The following GIGYF2 variants were observed in gnomAD, a reference collection of about 807,000 sequenced individuals.
GIGYF2 encodes GRB10 interacting GYF protein 2, also known as GRB10-interacting GYF protein 2.
GIGYF2 carries 25 observed loss-of-function variants against 208.1 expected under a neutral mutation model. The ratio of observed to expected loss-of-function variants is 0.12; its 90% CI spans 0.09 to 0.17. The LOEUF is 0.17. Ranked by LOEUF, GIGYF2 falls within the 10% of genes least tolerant of loss-of-function variation. GIGYF2 has a pLI of 1.00. For synonymous variants in GIGYF2, 534 were observed against 543.8 expected, an observed-to-expected ratio of 0.98 and a Z score of 0.25; for missense variants, 1,302 against 1,579.4, an observed-to-expected ratio of 0.82 and a Z score of 2.98.
intron 18 of GIGYF2, among the ~76,000 whole-genome samples, chr2:232,814,043 A>G (rs1700827124): frequency 6.6e-6 from 1 of 151,082 alleles, no homozygotes; most frequent in South Asian, 2.1e-4. Context: ...ACCCACCACC[A>G]CGCTTGGCTA....
intron 8 of GIGYF2, among the ~76,000 whole-genome samples, chr2:232,778,968 G>A (rs1168656375): frequency 6.6e-6 from 1 of 152,030 alleles, no homozygotes; most frequent in African/African-American, 2.4e-5. Flanking sequence ...TTGAGATAAG[G>A]GGGCATCAGA....
chr2:232,819,336 G>A lies in GIGYF2; in HGVS notation c.2371-491G>A, dbSNP rs967425300. On this transcript the variant is annotated intron_variant, in intron 20 of 28. Transcript: ENST00000373563. The stretch of plus-strand genomic sequence containing the variant: ...TTTCTGTGTAATACTTAATAGTATT[G>A]GTGGGACTTTTGATCTTCAGAACAC... Among the ~76,000 whole-genome samples, 6 of 152,052 alleles carry A rather than the reference G, an allele frequency of 3.9e-5. No homozygotes were observed. The South Asian group carries it at 8.3e-4, about 21-fold the overall frequency.
At chr2:232,714,836 T>C (rs79921412) in intron 2 of GIGYF2, among the ~76,000 whole-genome samples, 12,526 of 152,216 alleles carry the variant, frequency 0.082, 657 homozygotes, top group Non-Finnish European at 0.12. Context: ...GGGGTACATG[T>C]GCAGATTTGT....
intron 23 of GIGYF2, chr2:232,843,133 C>CTGTGTGTGTGTG (rs201402877): frequency 2.1e-5 from 3 of 145,254 alleles, no homozygotes; most frequent in East Asian, 2.0e-4. Context: ...TGTGTTTATG[C>CTGTGTGTGTGTG]TGTGTGTGTG....
chr2:232,841,571 T>A (rs890463757), intron 23 of GIGYF2, among the ~76,000 whole-genome samples: 1 of 151,708 alleles, frequency 6.6e-6, no homozygotes, highest in Non-Finnish European at 1.5e-5. Flanking sequence ...CGCCTCGGCC[T>A]CCCAAAGTGC....
At chr2:232,722,461 A>T (rs894400224) in intron 2 of GIGYF2, 4 of 152,176 alleles carry the variant, frequency 2.6e-5, no homozygotes, top group Non-Finnish European at 5.9e-5. Context: ...CTCCCTTGAC[A>T]CGTGGGGTTT....
intron 8 of GIGYF2, among the ~76,000 whole-genome samples, chr2:232,779,301 A>G (rs283487): frequency 0.72 from 109,688 of 152,144 alleles, 40,271 homozygotes; most frequent in East Asian, 0.88. Context: ...ATTAAATTAA[A>G]CAAGGTACCA....
intron 2 of GIGYF2, chr2:232,734,527 G>C (rs1007870927): frequency 6.6e-6 from 1 of 152,234 alleles, no homozygotes; most frequent in Non-Finnish European, 1.5e-5. Context: ...CCTGATCCAA[G>C]ATAATTTTTA....
At chr2:232,795,007 C>A in intron 13 of GIGYF2, 63 bp downstream of exon 13, 1 of 1,171,994 alleles carries the variant, frequency 8.5e-7, no homozygotes, top group Non-Finnish European at 1.3e-6. Flanking sequence ...GCAGGCATTG[C>A]ATGAATATTC....
intron 2 of GIGYF2, among the ~76,000 whole-genome samples, chr2:232,714,903 A>AT (rs1476292671): frequency 4.0e-5 from 6 of 151,114 alleles, no homozygotes; most frequent in African/African-American, 1.5e-4. Context: ...CCCATTAGTT[A>AT]TTTTTCCCGA....
chr2:232,836,368 A>C (rs1156231077), intron 22 of GIGYF2, among the ~76,000 whole-genome samples: 1 of 66,104 alleles, frequency 1.5e-5, no homozygotes, highest in Non-Finnish European at 2.7e-5. Context: ...ATAAATATAA[A>C]TATATATAAA....
chr2:232,848,773 T>C (rs1485630579), intron 27 of GIGYF2, among the ~76,000 whole-genome samples: 1 of 152,232 alleles, frequency 6.6e-6, no homozygotes, highest in African/African-American at 2.4e-5. Context: ...TGTTCTACCT[T>C]AACTGGGAAT....
intron 2 of GIGYF2, among the ~76,000 whole-genome samples, chr2:232,723,370 A>C (rs1697030106): frequency 6.6e-6 from 1 of 152,150 alleles, no homozygotes; most frequent in African/African-American, 2.4e-5. Context: ...TAAAATAAAA[A>C]AATGGAAATT....
chr2:232,762,306 G>A (rs987558513), intron 8 of GIGYF2, among the ~76,000 whole-genome samples: 1 of 149,012 alleles, frequency 6.7e-6, no homozygotes, highest in African/African-American at 2.5e-5. Flanking sequence ...AGGCTGGAGT[G>A]CAATGGTGTG....
chr2:232,822,796 A>G (rs1574925193), intron 21 of GIGYF2, among the ~76,000 whole-genome samples: 2 of 152,180 alleles, frequency 1.3e-5, no homozygotes, highest in Admixed American at 6.5e-5. Context: ...GTGAAACTCA[A>G]CTTAGTACCT....
At chr2:232,812,214 C>T (rs893278779) in intron 17 of GIGYF2, among the ~76,000 whole-genome samples, 177 bp from the exon 18 acceptor site, 12 of 151,990 alleles carry the variant, frequency 7.9e-5, no homozygotes, top group African/African-American at 2.9e-4. Flanking sequence ...GATCATTGTG[C>T]CCTTCTCTTT....
chr2:232,860,044 T>C lies in GIGYF2; in HGVS notation c.*3184T>C, dbSNP rs943076896. 6.6e-6 allele frequency: 1 copy of C among 152,166 alleles called. No individual in the cohort carries two copies. The highest frequency in any genetic ancestry group is 1.5e-5 in the Non-Finnish European group (1 of 68,028). 9.4% of individuals were successfully genotyped at this position (152,166 alleles called of 1,614,324 possible). On this transcript the variant is annotated 3_prime_UTR_variant, in exon 29 of 29. Coordinates refer to ENST00000373563, the MANE Select transcript of GIGYF2 (RefSeq NM_001103146.3). ...TGATGAAAGGAGTGACAAGGTCACA[T>C]TGGAGAAGAGCTTGTGGGGTGGGAG...
chr2:232,710,659 T>C (rs1366557889), intron 2 of GIGYF2, among the ~76,000 whole-genome samples: 2 of 152,094 alleles, frequency 1.3e-5, no homozygotes, highest in Non-Finnish European at 1.5e-5. Context: ...TAGATACTTT[T>C]TGAATAAGTG....
rs1180586428 is a variant in GIGYF2 at position 232,735,417 on chromosome 2, ATACTT to A, written c.41+180_41+184del. On this transcript the variant is annotated intron_variant, in intron 3 of 28. Coordinates refer to ENST00000373563, the MANE Select transcript of GIGYF2 (RefSeq NM_001103146.3). ...TATATTTGGTAAATGAGTGTATTCT[ATACTT>A]AATTAAAATTTTTTTTCTTTGTCTG... 14 of 520,716 alleles carry A rather than the reference ATACTT, an allele frequency of 2.7e-5. No homozygotes were observed. In the African/African-American group the frequency reaches 2.7e-4, roughly 10 times the overall value. 32.3% of individuals were successfully genotyped at this position (520,716 alleles called of 1,614,324 possible).
Sources: allele counts gnomAD v4.1 joint callset (sites outside exome capture counted in the v4.1 genomes callset), GRCh38; gene constraint gnomAD v4.1.1; transcripts MANE v1.5; gene names NCBI Gene and HGNC (gene_info 2026-07-23, HGNC 2026-07-21).